The following RBBP7 variants were observed in gnomAD, a reference collection of about 807,000 sequenced individuals.
The protein encoded by RBBP7 is histone-binding protein RBBP7.
In RBBP7, 5 loss-of-function variants were observed where a neutral mutation model predicts 35.2. That is an observed-to-expected ratio of 0.14 (90% confidence interval 0.07 to 0.30). The LOEUF (loss-of-function observed/expected upper bound fraction) is 0.30. Among genes scored for constraint, RBBP7 ranks in the 10% least tolerant of loss-of-function variants. RBBP7 has a pLI of 1.00. For synonymous variants in RBBP7, 140 were observed against 118.7 expected (o/e 1.18, Z -1.17); for missense variants, 155 against 327.5 (o/e 0.47, Z 4.07).
intron 3 of RBBP7, among the ~76,000 whole-genome samples, chrX:16,861,772 C>G (rs1206219395): frequency 1.8e-5 from 2 of 111,805 alleles, no homozygotes; most frequent in African/African-American, 6.5e-5. Flanking sequence ...CCTGGAGTCT[C>G]TGAGGAACAC....
chrX:16,861,331 C>T (rs1419349960), intron 3 of RBBP7, among the ~76,000 whole-genome samples: 1 of 111,777 alleles, frequency 8.9e-6, no homozygotes, highest in Non-Finnish European at 1.9e-5. Context: ...CACCATACAA[C>T]CTAGCAGTTT....
chrX:16,850,628 G>A (rs1416698596), intron 9 of RBBP7, among the ~76,000 whole-genome samples: 1 of 112,685 alleles, frequency 8.9e-6, no homozygotes, highest in Non-Finnish European at 1.9e-5. Context: ...TCAGAACCCT[G>A]AACATTAGCT....
chrX:16,857,220 G>A (rs779278449), intron 5 of RBBP7, among the ~76,000 whole-genome samples: 2 of 111,945 alleles, frequency 1.8e-5, no homozygotes, highest in Admixed American at 1.9e-4. Context: ...AGAATTAGTG[G>A]CAATAGTTGT....
chrX:16,863,243 G>A, intron 2 of RBBP7, 143 bp from the exon 3 acceptor site: 6 of 553,972 alleles, frequency 1.1e-5, no homozygotes, highest in Non-Finnish European at 1.7e-5. Context: ...CTCCCCCTCT[G>A]GTTACCAACT....
At chrX:16,869,462 G>A in intron 1 of RBBP7, 1 of 1,161,312 alleles carries the variant, frequency 8.6e-7, no homozygotes, top group Non-Finnish European at 1.2e-6. Flanking sequence ...CACGGACATG[G>A]AAATTGTTTA....
At chrX:16,864,542 A>AAAAAAAAAAAAAAAGAAAAAG (rs1569063331) in intron 2 of RBBP7, among the ~76,000 whole-genome samples, 2 of 40,709 alleles carry the variant, frequency 4.9e-5, no homozygotes, top group African/African-American at 2.1e-4. Context: ...AAAAAAAAAA[A>AAAAAAAAAAAAAAAGAAAAAG]AAAAAGAAAA....
intron 10 of RBBP7, chrX:16,846,849 G>A (rs1451589780): frequency 8.9e-6 from 1 of 112,004 alleles, no homozygotes; most frequent in Non-Finnish European, 1.9e-5. Flanking sequence ...ATATGAGGTG[G>A]GGCTGGGTAA....
chrX:16,858,198 T>A (rs1389425738), intron 4 of RBBP7, among the ~76,000 whole-genome samples: 2 of 111,745 alleles, frequency 1.8e-5, no homozygotes, highest in Admixed American at 1.9e-4. Context: ...TCACAATGTA[T>A]TTGGCTTCAC....
chrX:16,848,283 A>C (rs1229738492), intron 10 of RBBP7: 2 of 111,612 alleles, frequency 1.8e-5, no homozygotes, highest in East Asian at 5.6e-4. Flanking sequence ...AAAAAGAAAA[A>C]AAACCCCCAA....
intron 2 of RBBP7, among the ~76,000 whole-genome samples, chrX:16,864,526 C>CAAAAAAAAAAAAAAAAAAAAAAA (rs61357554): frequency 3.8e-5 from 1 of 26,243 alleles, no homozygotes. Flanking sequence ...ACTCCGTCTC[C>CAAAAAAAAAAAAAAAAAAAAAAA]AAAAAAAAAA....
intron 11 of RBBP7, 21 bp downstream of exon 11, chrX:16,845,807 A>C: frequency 8.4e-7 from 1 of 1,192,695 alleles, no homozygotes; most frequent in Non-Finnish European, 1.1e-6. Flanking sequence ...ACAGTCATTC[A>C]AGAAAAACAT....
intron 5 of RBBP7, 81 bp from the exon 6 acceptor site, chrX:16,853,923 C>T: frequency 1.2e-6 from 1 of 835,078 alleles, no homozygotes; most frequent in Non-Finnish European, 1.6e-6. Context: ...GACAGTGTCT[C>T]AGTCTGTCAC....
intron 2 of RBBP7, among the ~76,000 whole-genome samples, chrX:16,864,213 A>T (rs1476256040): frequency 4.5e-5 from 5 of 111,038 alleles, no homozygotes; most frequent in African/African-American, 1.6e-4. Flanking sequence ...TGACTAAGCA[A>T]TAGCAACGTG....
At chrX:16,867,074 T>C (rs1278172152) in intron 2 of RBBP7, among the ~76,000 whole-genome samples, 2 of 112,237 alleles carry the variant, frequency 1.8e-5, no homozygotes, top group Admixed American at 9.4e-5. Context: ...AACAGAGCTA[T>C]TTCAATCCTG....
At chrX:16,856,937 G>GT (rs1930367513) in intron 5 of RBBP7, among the ~76,000 whole-genome samples, 1 of 111,668 alleles carries the variant, frequency 9.0e-6, no homozygotes, top group Non-Finnish European at 1.9e-5. Flanking sequence ...TAAGCTAACT[G>GT]TGGTATATCC....
Position 16,845,060 on chromosome X carries a change from G to C in RBBP7, c.1253C>G (p.Ser418Cys), listed in dbSNP as rs769493754. Residue 418 changes from serine (S) to cysteine (C), a missense_variant, in exon 12 of 12, where the codon TCC (serine) becomes TGC (cysteine). Ser to Cys is a moderately radical substitution (Grantham distance 112). Transcript: ENST00000380087. ...TTAAGATCCTTGTCCCTCCAGTTCG[G>C]ATGTCGTGACATCTGACTCTTCATC... is the stretch of plus-strand genomic sequence containing the variant. ...YNDEESDVTT[S>C]ELEGQGS The C allele has an allele frequency of 8.3e-7, 1 of 1,209,461 alleles. No individual in the cohort carries two copies. The highest frequency in any genetic ancestry group is 1.1e-6 in the Non-Finnish European group (1 of 893,743).
chrX:16,870,172 C>A lies in RBBP7; in HGVS notation c.-119G>T. On this transcript the variant is annotated 5_prime_UTR_variant, in exon 1 of 12. Transcript: ENST00000380087. Reference sequence around the variant, plus strand: ...GCGTCACACTCCCCACTGTCGAAAGCCCGGGCCCCGTCTTGCTGCCTGGGT... The same window carrying A: ...GCGTCACACTCCCCACTGTCGAAAGACCGGGCCCCGTCTTGCTGCCTGGGT... 1.1e-6 allele frequency: 1 copy of A among 878,496 alleles called. No homozygotes were observed. 72.4% of individuals were successfully genotyped at this position (878,496 alleles called of 1,213,427 possible). A position where few individuals can be genotyped will look rare whatever the true frequency, so the allele number is the denominator to read the frequency against.
In RBBP7 at chrX:16,844,738, G is replaced by A; in HGVS notation, c.*297C>T. 5.0e-6 allele frequency: 1 copy of A among 199,913 alleles called. No homozygotes were observed. The highest frequency in any genetic ancestry group is 9.2e-6 in the Non-Finnish European group (1 of 109,063). 16.5% of individuals were successfully genotyped at this position (199,913 alleles called of 1,213,427 possible). ...AGTTATTCTTGCATATTTGGGAACA[G>A]CAAGCACTTAGTTTGAGAAAATGAG... On this transcript the variant is annotated 3_prime_UTR_variant, in exon 12 of 12. Coordinates refer to ENST00000380087, the MANE Select transcript of RBBP7 (RefSeq NM_002893.4).
At position 16,853,814 on chromosome X, in the gene RBBP7, C is replaced by T; in HGVS notation, c.626G>A (p.Gly209Glu). The change falls in exon 6 of 12, where the codon GGA becomes GAA. Residue 209 changes from glycine to glutamate, a missense_variant. Transcript: ENST00000380087. ...HTVCLWDINAGPKEGKIVDAK... is the reference protein window; with the variant it reads ...HTVCLWDINAEPKEGKIVDAK... ...ATCCACAATTTTGCCTTCTTTTGGT[C>T]CTGCGTTTATATCCCACAGACAAAC... The T allele has an allele frequency of 8.5e-7, 1 of 1,171,659 alleles. No homozygotes were observed.
Sources: allele counts gnomAD v4.1 joint callset (sites outside exome capture counted in the v4.1 genomes callset), GRCh38; gene constraint gnomAD v4.1.1; transcripts MANE v1.5; gene names NCBI Gene and HGNC (gene_info 2026-07-23, HGNC 2026-07-21).